LRRC4C: variants seen among roughly 807,000 people sequenced by gnomAD.
LRRC4C encodes leucine-rich repeat-containing protein 4C.
A neutral mutation model predicts 33.6 loss-of-function variants in LRRC4C; 5 were observed. The observed-to-expected ratio is 0.15, with a 90% CI of 0.08 to 0.31. The LOEUF is 0.31. Among genes scored for constraint, LRRC4C ranks in the 10% least tolerant of loss-of-function variants. The probability of loss-of-function intolerance (pLI) is 1.00; values close to 1 mark genes in which losing one functional copy is unlikely to be tolerated. For synonymous variants in LRRC4C, 329 were observed against 302.0 expected, an observed-to-expected ratio of 1.09 and a Z score of -0.93; for missense variants, 560 against 796.7, an observed-to-expected ratio of 0.70 and a Z score of 3.58.
chr11:41,274,499 A>G (rs937338680), intron 1 of LRRC4C, among the ~76,000 whole-genome samples: 28 of 152,140 alleles, frequency 1.8e-4, no homozygotes, highest in African/African-American at 6.5e-4. Context: ...AAGTGAAGCC[A>G]GCTGGACTTC....
intron 2 of LRRC4C, among the ~76,000 whole-genome samples, chr11:40,887,184 C>A (rs1399882890): frequency 6.9e-6 from 1 of 144,550 alleles, no homozygotes; most frequent in Non-Finnish European, 1.5e-5. Context: ...ACCTCCTTTA[C>A]AAAAGTCTTC....
intron 2 of LRRC4C, among the ~76,000 whole-genome samples, chr11:40,787,552 G>A (rs1950462048): frequency 6.6e-6 from 1 of 152,062 alleles, no homozygotes; most frequent in South Asian, 2.1e-4. Context: ...AATGCTAATG[G>A]CATACTCTCT....
intron 1 of LRRC4C, among the ~76,000 whole-genome samples, chr11:41,179,983 G>A (rs1281477180): frequency 6.6e-6 from 1 of 152,158 alleles, no homozygotes; most frequent in African/African-American, 2.4e-5. Context: ...AAGGGCCGCT[G>A]TGGGACAGGC....
chr11:41,114,753 C>T (rs1210247473), intron 1 of LRRC4C, among the ~76,000 whole-genome samples: 1 of 152,038 alleles, frequency 6.6e-6, no homozygotes, highest in Non-Finnish European at 1.5e-5. Context: ...TGAACAAGCT[C>T]ATACATTTAA....
chr11:41,239,969 T>C (rs1408681882), intron 1 of LRRC4C, among the ~76,000 whole-genome samples: 1 of 152,240 alleles, frequency 6.6e-6, no homozygotes, highest in Non-Finnish European at 1.5e-5. Flanking sequence ...GAGCCTCACA[T>C]AATTTTACCC....
chr11:41,083,500 G>A (rs1263616744), intron 1 of LRRC4C, among the ~76,000 whole-genome samples: 1 of 152,134 alleles, frequency 6.6e-6, no homozygotes, highest in Non-Finnish European at 1.5e-5. Context: ...ATTCACAAGT[G>A]CTTTATCACA....
At chr11:40,737,715 A>G (rs917343527) in intron 2 of LRRC4C, among the ~76,000 whole-genome samples, 1 of 152,172 alleles carries the variant, frequency 6.6e-6, no homozygotes, top group Non-Finnish European at 1.5e-5. Flanking sequence ...TCAAGGAAAT[A>G]AGAGAGGACA....
At chr11:40,610,966 T>C (rs2135882774) in intron 3 of LRRC4C, among the ~76,000 whole-genome samples, 1 of 152,004 alleles carries the variant, frequency 6.6e-6, no homozygotes, top group East Asian at 1.9e-4. Flanking sequence ...ATCTACAGAT[T>C]CAATGCAATT....
intron 3 of LRRC4C, among the ~76,000 whole-genome samples, chr11:40,473,317 T>C (rs2138315804): frequency 6.6e-6 from 1 of 152,294 alleles, no homozygotes; most frequent in African/African-American, 2.4e-5. Context: ...TCGATAAATG[T>C]AATCCATCAC....
chr11:41,304,183 C>A (rs1950389945), intron 1 of LRRC4C, among the ~76,000 whole-genome samples: 1 of 109,278 alleles, frequency 9.2e-6, no homozygotes, highest in Non-Finnish European at 2.1e-5. Flanking sequence ...GGGGGGTCAG[C>A]CCCCCGCCTG....
intron 1 of LRRC4C, among the ~76,000 whole-genome samples, chr11:41,092,805 G>C (rs934839046): frequency 6.6e-6 from 1 of 152,220 alleles, no homozygotes; most frequent in Non-Finnish European, 1.5e-5. Flanking sequence ...CAGTGAGTTA[G>C]AGTAAACCTT....
intron 3 of LRRC4C, among the ~76,000 whole-genome samples, chr11:40,464,870 T>C (rs1250254909): frequency 1.3e-5 from 2 of 151,996 alleles, no homozygotes; most frequent in African/African-American, 2.4e-5. Context: ...ATCAATATTG[T>C]TAAAATTACC....
chr11:40,706,681 T>G (rs1024533167), intron 2 of LRRC4C, among the ~76,000 whole-genome samples: 1 of 152,206 alleles, frequency 6.6e-6, no homozygotes, highest in Non-Finnish European at 1.5e-5. Context: ...TAGGATTGTC[T>G]TGTCAATGCA....
chr11:40,447,698 G>A (rs985849776), intron 3 of LRRC4C, among the ~76,000 whole-genome samples: 2 of 152,162 alleles, frequency 1.3e-5, no homozygotes, highest in African/African-American at 2.4e-5. Context: ...TCTAAGTGAA[G>A]GCTTCTGCGT....
At chr11:40,427,065 G>C (rs1271099997) in intron 3 of LRRC4C, among the ~76,000 whole-genome samples, 1 of 152,142 alleles carries the variant, frequency 6.6e-6, no homozygotes, top group Non-Finnish European at 1.5e-5. Context: ...ATGGCAGTAT[G>C]TATCACAAAG....
chr11:41,291,533 G>C (rs1949992566), intron 1 of LRRC4C, among the ~76,000 whole-genome samples: 1 of 152,014 alleles, frequency 6.6e-6, no homozygotes, highest in African/African-American at 2.4e-5. Flanking sequence ...ACATTTATTT[G>C]GAGCTGGTCC....
chr11:41,434,931 A>AAGG (rs2138459758), intron 1 of LRRC4C, among the ~76,000 whole-genome samples: 1 of 152,268 alleles, frequency 6.6e-6, no homozygotes, highest in Non-Finnish European at 1.5e-5. Flanking sequence ...GTGTGAGGGA[A>AAGG]AGGAGCAGTA....
chr11:40,971,325 C>T (rs1851713913), intron 1 of LRRC4C, among the ~76,000 whole-genome samples: 2 of 152,206 alleles, frequency 1.3e-5, no homozygotes, highest in Admixed American at 1.3e-4. Flanking sequence ...TGCATTCTAG[C>T]CACTCCAGCT....
At chr11:41,405,852 T>G (rs1055054139) in intron 1 of LRRC4C, among the ~76,000 whole-genome samples, 1 of 152,108 alleles carries the variant, frequency 6.6e-6, no homozygotes, top group Non-Finnish European at 1.5e-5. Flanking sequence ...GTACTAAGTA[T>G]ATAAAAAATG....
Sources: gnomAD v4.1 joint callset for allele counts (sites outside exome capture counted in the v4.1 genomes callset) on GRCh38, gnomAD v4.1.1 for gene constraint, MANE v1.5 for transcripts, NCBI Gene and HGNC (gene_info 2026-07-23, HGNC 2026-07-21) for gene names.